The following CNTNAP2 variants were observed in gnomAD, a reference collection of about 807,000 sequenced individuals.
CNTNAP2 encodes contactin associated protein 2, also known as contactin-associated protein-like 2.
CNTNAP2 carries 98 observed loss-of-function variants against 155.2 expected under a neutral mutation model. The observed-to-expected ratio is 0.63, with a 90% CI of 0.54 to 0.75. The LOEUF (loss-of-function observed/expected upper bound fraction) is 0.75. Among genes scored for constraint, CNTNAP2 ranks in the 30% least tolerant of loss-of-function variants. The pLI is 0.00. For missense variants in CNTNAP2, 1,727 were observed against 1,688.1 expected, an observed-to-expected ratio of 1.02 and a Z score of -0.40; for synonymous variants, 651 against 631.2, an observed-to-expected ratio of 1.03 and a Z score of -0.47.
intron 1 of CNTNAP2, among the ~76,000 whole-genome samples, chr7:146,564,171 G>T (rs1048520578): frequency 1.3e-5 from 2 of 152,070 alleles, no homozygotes. Flanking sequence ...CAGAAGAAAA[G>T]TATCTTGGGA....
intron 15 of CNTNAP2, among the ~76,000 whole-genome samples, chr7:148,073,620 T>C (rs77404306): frequency 0.01 from 1,594 of 152,304 alleles, 30 homozygotes; most frequent in African/African-American, 0.037. Context: ...ATTATTGTAA[T>C]TGTTCTATCT....
chr7:146,529,236 A>G (rs1254604097), intron 1 of CNTNAP2, among the ~76,000 whole-genome samples: 4 of 152,178 alleles, frequency 2.6e-5, no homozygotes, highest in Non-Finnish European at 4.4e-5. Flanking sequence ...AAATGTTTTC[A>G]ATTTTTTTGT....
At chr7:146,117,181 T>C in intron 1 of CNTNAP2, 2 of 575,330 alleles carry the variant, frequency 3.5e-6, no homozygotes, top group African/African-American at 3.7e-5. Flanking sequence ...ACGCTGGTGA[T>C]GTTTCTGGAA....
chr7:147,186,813 G>A (rs1802575758), intron 8 of CNTNAP2, among the ~76,000 whole-genome samples: 1 of 152,150 alleles, frequency 6.6e-6, no homozygotes, highest in African/African-American at 2.4e-5. Context: ...GTGAAGGAGG[G>A]AACAGCAGTG....
intron 15 of CNTNAP2, among the ~76,000 whole-genome samples, chr7:148,040,993 G>A (rs1341793672): frequency 6.6e-6 from 1 of 152,142 alleles, no homozygotes; most frequent in Non-Finnish European, 1.5e-5. Context: ...TTTCCATCGT[G>A]ACTTCTGTTC....
At chr7:146,451,880 C>CGTACGTGTATATATATATACGTATATAT (rs1563089272) in intron 1 of CNTNAP2, among the ~76,000 whole-genome samples, 1 of 106,254 alleles carries the variant, frequency 9.4e-6, no homozygotes, top group African/African-American at 9.7e-5. Flanking sequence ...CGTATATATA[C>CGTACGTGTATATATATATACGTATATAT]ACATATACAT....
intron 3 of CNTNAP2, among the ~76,000 whole-genome samples, chr7:146,931,713 G>T (rs1412478263): frequency 2.2e-5 from 3 of 136,974 alleles, no homozygotes; most frequent in African/African-American, 8.4e-5. Context: ...GAAAAAAAGA[G>T]AGAAGAATCA....
intron 3 of CNTNAP2, among the ~76,000 whole-genome samples, chr7:146,862,151 C>A (rs1375557740): frequency 6.6e-6 from 1 of 152,116 alleles, no homozygotes; most frequent in South Asian, 2.1e-4. Context: ...TTCCACCTGC[C>A]AGTTCGTTAT....
intron 14 of CNTNAP2, among the ~76,000 whole-genome samples, chr7:147,908,549 GTCTC>G (rs1800007994): frequency 6.6e-6 from 1 of 152,238 alleles, no homozygotes; most frequent in Non-Finnish European, 1.5e-5. Context: ...TTTGGGTGTA[GTCTC>G]TCTAACTAGG....
intron 15 of CNTNAP2, among the ~76,000 whole-genome samples, chr7:148,073,584 T>G (rs1803421208): frequency 6.6e-6 from 1 of 152,190 alleles, no homozygotes; most frequent in South Asian, 2.1e-4. Flanking sequence ...ATTCAAAAAT[T>G]CCTTACTTTA....
chr7:146,241,820 C>G (rs1799567236), intron 1 of CNTNAP2, among the ~76,000 whole-genome samples: 2 of 148,950 alleles, frequency 1.3e-5, no homozygotes, highest in Non-Finnish European at 2.9e-5. Flanking sequence ...ATATATATAC[C>G]TATACACACA....
intron 11 of CNTNAP2, among the ~76,000 whole-genome samples, chr7:147,512,207 A>G (rs1320925125): frequency 6.6e-6 from 1 of 152,098 alleles, no homozygotes; most frequent in Non-Finnish European, 1.5e-5. Flanking sequence ...ACGTGCATGC[A>G]CTCATGTATT....
intron 3 of CNTNAP2, among the ~76,000 whole-genome samples, chr7:146,937,694 TGCACGTGTAAGAGAGATGGTGTTGA>T (rs1796951211): frequency 1.3e-5 from 2 of 152,156 alleles, no homozygotes; most frequent in South Asian, 4.1e-4. Flanking sequence ...ATTAAAAAAA[TGCACGTGTAAGAGAGATGGTGTTGA>T]ATATGTTGTA....
rs1798730128 is a variant in CNTNAP2 at position 148,365,738 on chromosome 7, GTATACATGTATACATGTATGTGTATA to G, written c.3476-17910_3476-17885del. The stretch of plus-strand genomic sequence containing the variant: ...TATGTATACGTGTATATATGTATGT[GTATACATGTATACATGTATGTGTATA>G]CGTGTATACATGTATGTGTATGCAT... On this transcript the variant is annotated intron_variant, in intron 21 of 23. Coordinates refer to ENST00000361727, the MANE Select transcript of CNTNAP2 (RefSeq NM_014141.6). 3.7e-5 allele frequency among the ~76,000 whole-genome samples: 2 copies of G among 53,598 alleles called. 1 individual carries two copies. Among genetic ancestry groups the G allele is most frequent in the Non-Finnish European group, 1.1e-4 (2 of 18,654 alleles). 35.2% of individuals were successfully genotyped at this position (53,598 alleles called of 152,430 possible).
intron 1 of CNTNAP2, among the ~76,000 whole-genome samples, chr7:146,584,324 A>G (rs12055921): frequency 0.028 from 4,304 of 152,288 alleles, 89 homozygotes; most frequent in South Asian, 0.045. Context: ...TTGCACCGAA[A>G]GAATTCAGTC....
chr7:146,631,017 C>T (rs1799501940), intron 1 of CNTNAP2, among the ~76,000 whole-genome samples: 2 of 152,026 alleles, frequency 1.3e-5, no homozygotes, highest in Admixed American at 1.3e-4. Flanking sequence ...TTATTCCCAT[C>T]AAGCTACCAT....
rs555383501 is a variant in CNTNAP2 at position 146,448,919 on chromosome 7, T to C, written c.98-325352T>C. 2.6e-5 allele frequency among the ~76,000 whole-genome samples: 4 copies of C among 152,156 alleles called. No individual in the cohort carries two copies. The South Asian group carries it at 8.3e-4, about 32-fold the overall frequency. On this transcript the variant is annotated intron_variant, in intron 1 of 23. Coordinates refer to ENST00000361727, the MANE Select transcript of CNTNAP2 (RefSeq NM_014141.6). ...TTCAGCTTTGATTATCCCAGCTCCA[T>C]CCTCTTTCATCTCTTTTTCTGTTAC...
chr7:147,289,461 T>A (rs1450708858), intron 8 of CNTNAP2, among the ~76,000 whole-genome samples: 41 of 141,002 alleles, frequency 2.9e-4, no homozygotes, highest in African/African-American at 6.8e-4. Context: ...GAAAGAAAGA[T>A]AAAGGAAAGG....
At chr7:146,980,900 C>T (rs1050675983) in intron 3 of CNTNAP2, among the ~76,000 whole-genome samples, 12 of 152,098 alleles carry the variant, frequency 7.9e-5, no homozygotes, top group African/African-American at 2.9e-4. Flanking sequence ...TCCAGAGTCC[C>T]CTACATTCAG....
Sources: allele counts gnomAD v4.1 joint callset (sites outside exome capture counted in the v4.1 genomes callset), GRCh38; gene constraint gnomAD v4.1.1; transcripts MANE v1.5; gene names NCBI Gene and HGNC (gene_info 2026-07-23, HGNC 2026-07-21).